OR4K17: variants seen among roughly 807,000 people sequenced by gnomAD.
OR4K17 encodes olfactory receptor 4K17.
For missense variants in OR4K17, 480 were observed against 366.3 expected, an observed-to-expected ratio of 1.31 and a Z score of -2.53; for synonymous variants, 157 against 132.8, an observed-to-expected ratio of 1.18 and a Z score of -1.25.
chr14:20,117,048 T>A (rs564457373), intron 1 of OR4K17, among the ~76,000 whole-genome samples: 1 of 152,302 alleles, frequency 6.6e-6, no homozygotes, highest in East Asian at 1.9e-4. Context: ...AAGGTCATTA[T>A]GGGAAAATAA....
Position 20,117,739 on chromosome 14 carries a change from G to A in OR4K17, c.240G>A (p.Lys80=), listed in dbSNP as rs764430459. 1.2e-6 allele frequency: 2 copies of A among 1,613,816 alleles called. No individual in the cohort carries two copies. The highest frequency in any genetic ancestry group is 1.7e-5 in the Admixed American group (1 of 59,980). ...DMTLASFATP[K]VILNLLKKQK... is the part of the protein sequence containing the mutation. Reference sequence around the variant, plus strand: ...CCCTTGCTTCTTTTGCCACCCCTAAGGTGATTCTGAACTTGTTAAAAAAGC... The same window carrying A: ...CCCTTGCTTCTTTTGCCACCCCTAAAGTGATTCTGAACTTGTTAAAAAAGC... Residue 80 remains lysine (K), a synonymous_variant, in exon 2 of 2, where the codon AAG becomes AAA. Coordinates refer to ENST00000641386, the MANE Select transcript of OR4K17 (RefSeq NM_001004715.5).
chr14:20,118,963 GGACA>G lies in OR4K17; in HGVS notation c.*526_*529del, dbSNP rs1878091491. On this transcript the variant is annotated 3_prime_UTR_variant, in exon 2 of 2. Transcript: ENST00000641386. ...AATTTCCTCACCCTAATAGGCCTGG[GGACA>G]CTACAGGAGACTGGGGCTTATTTCA... 6.5e-6 allele frequency: 1 copy of G among 154,238 alleles called. No homozygotes were observed. The highest frequency in any genetic ancestry group is 2.4e-5 in the African/African-American group (1 of 41,454). 9.6% of individuals were successfully genotyped at this position (154,238 alleles called of 1,614,324 possible).
In OR4K17 at chr14:20,121,201, G is replaced by A. The variant is rs1177097007; in HGVS notation, c.*2763G>A. 6.6e-6 allele frequency: 1 copy of A among 152,106 alleles called. No homozygotes were observed. The highest frequency in any genetic ancestry group is 2.4e-5 in the African/African-American group (1 of 41,412). 9.4% of individuals were successfully genotyped at this position (152,106 alleles called of 1,614,324 possible). A position where few individuals can be genotyped will look rare whatever the true frequency, so the allele number is the denominator to read the frequency against. On this transcript the variant is annotated 3_prime_UTR_variant, in exon 2 of 2. Coordinates refer to ENST00000641386, the MANE Select transcript of OR4K17 (RefSeq NM_001004715.5). ...CAACAAGAAACACCAAAAACCAAAAGGGAGTATCACCATGAAAGGAACACA... is the reference window on the plus strand; with the variant it reads ...CAACAAGAAACACCAAAAACCAAAAAGGAGTATCACCATGAAAGGAACACA...
chr14:20,111,761 A>T (rs1169497300), intron 1 of OR4K17: 1 of 152,080 alleles, frequency 6.6e-6, no homozygotes, highest in Non-Finnish European at 1.5e-5. Flanking sequence ...CAAACAAAAA[A>T]GTAGAGAACT....
At chr14:20,115,624 T>C (rs1262544210) in intron 1 of OR4K17, among the ~76,000 whole-genome samples, 2 of 152,108 alleles carry the variant, frequency 1.3e-5, no homozygotes, top group Non-Finnish European at 2.9e-5. Flanking sequence ...ATAATCCTTA[T>C]GATAAATTCT....
At position 20,118,499 on chromosome 14, in the gene OR4K17, G is replaced by A; in HGVS notation, c.*61G>A. 2.1e-6 allele frequency: 2 copies of A among 949,258 alleles called. No homozygotes were observed. Among genetic ancestry groups the A allele is most frequent in the Non-Finnish European group, 3.2e-6 (2 of 634,482 alleles). The allele number at this position is 949,258 out of a possible 1,614,324, so 58.8% of individuals were successfully genotyped here. ...CTGATGCCTGTAATCCCCACACTTT[G>A]GGAGGAATATCAGGGGAACCAGCCC... On this transcript the variant is annotated 3_prime_UTR_variant, in exon 2 of 2. Coordinates refer to ENST00000641386, the MANE Select transcript of OR4K17 (RefSeq NM_001004715.5).
intron 1 of OR4K17, 138 bp from the exon 2 acceptor site, chr14:20,117,330 C>A: frequency 2.0e-6 from 2 of 1,002,212 alleles, no homozygotes; most frequent in Non-Finnish European, 3.0e-6. Context: ...CTTTTTCAGA[C>A]TTAATAGATA....
rs996301418 is a variant in OR4K17 at position 20,121,511 on chromosome 14, A to C, written c.*3073A>C. On this transcript the variant is annotated 3_prime_UTR_variant, in exon 2 of 2. Transcript: ENST00000641386. ...TGGGGGAGGTAGAATAAAAGTGTAG[A>C]CTTTTTAAATGCAATCAAAGTTAGG... The C allele has an allele frequency of 6.6e-6, 1 of 152,306 alleles. No individual in the cohort carries two copies. Among genetic ancestry groups the C allele is most frequent in the South Asian group, 2.1e-4 (1 of 4,828 alleles). 9.4% of individuals were successfully genotyped at this position (152,306 alleles called of 1,614,324 possible). A position where few individuals can be genotyped will look rare whatever the true frequency, so the allele number is the denominator to read the frequency against.
intron 1 of OR4K17, among the ~76,000 whole-genome samples, chr14:20,111,697 C>A (rs1594193690): frequency 1.3e-5 from 2 of 152,086 alleles, no homozygotes; most frequent in Middle Eastern, 6.8e-3. Context: ...TATTTGAGTT[C>A]TTGCTAAAAG....
intron 1 of OR4K17, among the ~76,000 whole-genome samples, chr14:20,116,703 G>A (rs1878000701): frequency 6.6e-6 from 1 of 152,160 alleles, no homozygotes; most frequent in Non-Finnish European, 1.5e-5. Flanking sequence ...GCTCTTGTTA[G>A]AATGTGACAA....
chr14:20,115,542 T>C (rs1383737123), intron 1 of OR4K17, among the ~76,000 whole-genome samples: 1 of 152,046 alleles, frequency 6.6e-6, no homozygotes, highest in Non-Finnish European at 1.5e-5. Flanking sequence ...AAGCCTCAAT[T>C]TAGAACATTT....
rs1171654730 is a variant in OR4K17 at position 20,122,053 on chromosome 14, A to G, written c.*3615A>G. On this transcript the variant is annotated 3_prime_UTR_variant, in exon 2 of 2. Coordinates refer to ENST00000641386, the MANE Select transcript of OR4K17 (RefSeq NM_001004715.5). ...TAAGCATCTATAGATTTTGATAATC[A>G]CAGGGAGGTCTTGGAGTCTGTTGCC... 1 of 152,104 alleles carries G rather than the reference A, an allele frequency of 6.6e-6. No homozygotes were observed. Among genetic ancestry groups the G allele is most frequent in the Non-Finnish European group, 1.5e-5 (1 of 67,986 alleles). 9.4% of individuals were successfully genotyped at this position (152,104 alleles called of 1,614,324 possible). A position where few individuals can be genotyped will look rare whatever the true frequency, so the allele number is the denominator to read the frequency against.
At chr14:20,116,741 G>T (rs764315750) in intron 1 of OR4K17, among the ~76,000 whole-genome samples, 1 of 152,130 alleles carries the variant, frequency 6.6e-6, no homozygotes, top group East Asian at 1.9e-4. Context: ...GTATTCATCC[G>T]TGTTGCTTAA....
chr14:20,114,533 A>C (rs928884063), intron 1 of OR4K17, among the ~76,000 whole-genome samples: 1 of 152,034 alleles, frequency 6.6e-6, no homozygotes, highest in East Asian at 1.9e-4. Flanking sequence ...ATCAATATAA[A>C]ACGTATTTAA....
intron 1 of OR4K17, among the ~76,000 whole-genome samples, chr14:20,114,336 C>T (rs765287251): frequency 1.2e-4 from 18 of 151,908 alleles, no homozygotes; most frequent in Non-Finnish European, 2.2e-4. Flanking sequence ...CCCTTCTCCT[C>T]TTCCCAGGAA....
At chr14:20,112,320 A>G (rs1287929904) in intron 1 of OR4K17, among the ~76,000 whole-genome samples, 1 of 152,094 alleles carries the variant, frequency 6.6e-6, no homozygotes, top group Non-Finnish European at 1.5e-5. Context: ...GATATCCAGG[A>G]AAGACATTTG....
chr14:20,114,710 G>C (rs1877950320), intron 1 of OR4K17, among the ~76,000 whole-genome samples: 2 of 151,936 alleles, frequency 1.3e-5, no homozygotes, highest in South Asian at 4.1e-4. Context: ...ATTCACTGAA[G>C]TAATTTGCCT....
At position 20,118,354 on chromosome 14, in the gene OR4K17, T is replaced by G. The variant is rs1878069662; in HGVS notation, c.855T>G (p.Ile285Met). The change falls in exon 2 of 2, where the codon ATT becomes ATG. Residue 285 changes from isoleucine to methionine, a missense_variant. Physicochemically the swap from Ile to Met is conservative, Grantham distance 10. Transcript: ENST00000641386. ...TCATCACTCCTATCTTGAATCCAAT[T>G]ATCTATACTCTGAGAAACAAAGAAA... The part of the protein sequence containing the change: ...YTIITPILNP[I>M]IYTLRNKEMK... 4 of 1,611,594 alleles carry G rather than the reference T, an allele frequency of 2.5e-6. No individual in the cohort carries two copies. Among genetic ancestry groups the G allele is most frequent in the Non-Finnish European group, 3.4e-6 (4 of 1,177,830 alleles).
At position 20,117,847 on chromosome 14, in the gene OR4K17, C is replaced by A; in HGVS notation, c.348C>A (p.Val116=). The A allele has an allele frequency of 6.2e-7, 1 of 1,614,042 alleles. No individual in the cohort carries two copies. Among genetic ancestry groups the A allele is most frequent in the South Asian group, 1.1e-5 (1 of 91,070 alleles). The change falls in exon 2 of 2, where the codon GTC becomes GTA. Residue 116 remains valine (V), a synonymous_variant. Transcript: ENST00000641386. ...LLGGVEMVLL[V]SMAFDRYVAI... The stretch of plus-strand genomic sequence containing the variant: ...GTGGGGTTGAAATGGTACTGTTGGT[C>A]TCCATGGCTTTTGACAGATATGTGG...
Sources: gnomAD v4.1 joint callset for allele counts (sites outside exome capture counted in the v4.1 genomes callset) on GRCh38, gnomAD v4.1.1 for gene constraint, MANE v1.5 for transcripts, NCBI Gene and HGNC (gene_info 2026-07-23, HGNC 2026-07-21) for gene names.